The following BRSK2 variants were observed in gnomAD, a reference collection of about 807,000 sequenced individuals.
The protein encoded by BRSK2 is BR serine/threonine kinase 2.
Under a neutral mutation model 83.3 loss-of-function variants are expected in BRSK2, and 19 were observed. The ratio of observed to expected loss-of-function variants is 0.23; its 90% CI spans 0.16 to 0.33. BRSK2 has a LOEUF of 0.33. Among genes scored for constraint, BRSK2 ranks in the 10% least tolerant of loss-of-function variants. BRSK2 has a pLI of 1.00. For synonymous variants in BRSK2, 519 were observed against 435.4 expected (o/e 1.19, Z -2.39); for missense variants, 798 against 1,042.3 (o/e 0.77, Z 3.23).
Position 1,445,891 on chromosome 11 carries a change from G to A in BRSK2, c.1210G>A (p.Ala404Thr). 1 of 1,609,938 alleles carries A rather than the reference G, an allele frequency of 6.2e-7. No individual in the cohort carries two copies. ...GCCTGCGCGGCGGGCCATTGAGATG[G>A]CCCAGCACGGCCAGAGGTGTGTGTG... Reference protein sequence around the residue: ...PVPARRAIEMAQHGQRSRSIS... With the variant: ...PVPARRAIEMTQHGQRSRSIS... Residue 404 changes from alanine to threonine, a missense_variant, in exon 12 of 20, where the codon GCC becomes ACC. Physicochemically the swap from Ala to Thr is moderately conservative, Grantham distance 58. This residue lies in a region of BRSK2 where 51 missense variants were observed against 52.6 expected (regional missense o/e 0.97). Transcript: ENST00000528841.
At chr11:1,449,895 C>T in intron 13 of BRSK2, 59 bp downstream of exon 13, 3 of 1,361,352 alleles carry the variant, frequency 2.2e-6, no homozygotes, top group Middle Eastern at 3.7e-4. Flanking sequence ...CCCTCCCAGT[C>T]AGCGTGTGCC....
At chr11:1,425,135 T>C (rs1849062463) in intron 1 of BRSK2, among the ~76,000 whole-genome samples, 2 of 152,224 alleles carry the variant, frequency 1.3e-5, no homozygotes, top group Non-Finnish European at 1.5e-5. Flanking sequence ...CGTCCTGCGC[T>C]GCGTGGCCGG....
chr11:1,414,050 CTG>C (rs2134140355), intron 1 of BRSK2, among the ~76,000 whole-genome samples: 1 of 152,370 alleles, frequency 6.6e-6, no homozygotes, highest in East Asian at 1.9e-4. Flanking sequence ...TTTTCTCCAT[CTG>C]TGCTTAGTTT....
chr11:1,403,945 G>A (rs1846662203), intron 1 of BRSK2, among the ~76,000 whole-genome samples: 1 of 152,218 alleles, frequency 6.6e-6, no homozygotes, highest in Non-Finnish European at 1.5e-5. Flanking sequence ...GAGTTGGGAT[G>A]GGAGGCGGGC....
chr11:1,449,856 C>T lies in BRSK2; in HGVS notation c.1287+20C>T. Reference sequence around the variant, plus strand: ...CCCCGGGTGAGTGACCCCCCGCCCCCACCCAGCTCGGATGCACAGAGGCCC... The same window carrying T: ...CCCCGGGTGAGTGACCCCCCGCCCCTACCCAGCTCGGATGCACAGAGGCCC... On this transcript the variant is annotated intron_variant, in intron 13 of 19. Coordinates refer to ENST00000528841, the MANE Select transcript of BRSK2 (RefSeq NM_001256627.2). 1 of 1,593,716 alleles carries T rather than the reference C, an allele frequency of 6.3e-7. No individual in the cohort carries two copies. The highest frequency in any genetic ancestry group is 8.6e-7 in the Non-Finnish European group (1 of 1,163,926).
At chr11:1,433,913 C>T (rs917791432) in intron 1 of BRSK2, among the ~76,000 whole-genome samples, 3 of 152,250 alleles carry the variant, frequency 2.0e-5, no homozygotes, top group Non-Finnish European at 4.4e-5. Flanking sequence ...GCTTCTTCGG[C>T]AAGGTCCTGG....
At chr11:1,429,326 C>A (rs1225251850) in intron 1 of BRSK2, among the ~76,000 whole-genome samples, 2 of 105,720 alleles carry the variant, frequency 1.9e-5, no homozygotes, top group Non-Finnish European at 3.4e-5. Flanking sequence ...CGTGTGCGCA[C>A]AGGTGTGTGT....
At position 1,443,092 on chromosome 11, in the gene BRSK2, G is replaced by A. The variant is rs1156535636; in HGVS notation, c.531-14G>A. ...GCCCGGAGCCCCGCCGCTGACCTCT[G>A]CCCTTGCCCGCAGGTCCCCCCACTA... On this transcript the variant is annotated splice_polypyrimidine_tract_variant and intron_variant, in intron 5 of 19. Coordinates refer to ENST00000528841, the MANE Select transcript of BRSK2 (RefSeq NM_001256627.2). The A allele has an allele frequency of 6.5e-6, 10 of 1,533,884 alleles. No individual in the cohort carries two copies. In the South Asian group the frequency reaches 1.1e-4, roughly 16 times the overall value.
chr11:1,452,563 G>T (rs1845927255), intron 15 of BRSK2, among the ~76,000 whole-genome samples: 1 of 152,230 alleles, frequency 6.6e-6, no homozygotes, highest in Admixed American at 6.5e-5. Context: ...ATGGCCTGGA[G>T]GCCCTGACCC....
Position 1,459,162 on chromosome 11 carries a change from C to T in BRSK2, c.1940-30C>T, listed in dbSNP as rs373841584. On this transcript the variant is annotated intron_variant, in intron 18 of 19. Coordinates refer to ENST00000528841, the MANE Select transcript of BRSK2 (RefSeq NM_001256627.2). ...GCCCAGGACAGCCTTTCACTCACTC[C>T]CTCCCTCCTCTCTCCATTCTGTACT... The T allele has an allele frequency of 8.1e-6, 13 of 1,609,472 alleles. No individual in the cohort carries two copies. In the South Asian group the frequency reaches 1.3e-4, roughly 16 times the overall value.
Position 1,461,560 on chromosome 11 carries a change from T to C in BRSK2, c.*837T>C, listed in dbSNP as rs1847502376. 1 of 164,330 alleles carries C rather than the reference T, an allele frequency of 6.1e-6. No homozygotes were observed. Among genetic ancestry groups the C allele is most frequent in the Non-Finnish European group, 1.3e-5 (1 of 77,302 alleles). The allele number at this position is 164,330 out of a possible 1,614,324, so 10.2% of individuals were successfully genotyped here. On this transcript the variant is annotated 3_prime_UTR_variant, in exon 20 of 20. Transcript: ENST00000528841. ...AGTGTTATTTATTTGCCGTTTTAATTTATGGATTCTCCGCACCTCTGTTCA... is the reference window on the plus strand; with the variant it reads ...AGTGTTATTTATTTGCCGTTTTAATCTATGGATTCTCCGCACCTCTGTTCA...
rs1156380519 is a variant in BRSK2, at chr11:1,438,286, C to T, written c.187-20C>T. The stretch of plus-strand genomic sequence containing the variant: ...GCCCCAGCCCTGTGAGCGTGATGTT[C>T]TCTGGCCTCTCCCATGCAGGTGGAG... On this transcript the variant is annotated intron_variant, in intron 2 of 19. Transcript: ENST00000528841. This position sits in a 1 kb window ranked among gnomAD's most constrained non-coding sequence, Gnocchi z 6.4. 4.3e-6 allele frequency: 7 copies of T among 1,612,276 alleles called. No individual in the cohort carries two copies. The South Asian group carries it at 6.6e-5, about 15-fold the overall frequency.
Position 1,394,383 on chromosome 11 carries a change from A to C in BRSK2, c.91+4008A>C, listed in dbSNP as rs550981807. Among the ~76,000 whole-genome samples, 244 of 58,560 alleles carry C rather than the reference A, an allele frequency of 4.2e-3. 12 individuals are homozygous for C. The highest frequency in any genetic ancestry group is 0.025 in the African/African-American group (205 of 8,180). 38.4% of individuals were successfully genotyped at this position (58,560 alleles called of 152,430 possible). A position where few individuals can be genotyped will look rare whatever the true frequency, so the allele number is the denominator to read the frequency against. The stretch of plus-strand genomic sequence containing the variant: ...TGGAGATGGGCCATGGAGATGGGCC[A>C]TGGAGATGGGTCCTGGAGATGGGCC... On this transcript the variant is annotated intron_variant, in intron 1 of 19. Transcript: ENST00000528841.
At chr11:1,457,378 G>A (rs1055517117) in intron 18 of BRSK2, among the ~76,000 whole-genome samples, 21 of 152,204 alleles carry the variant, frequency 1.4e-4, no homozygotes, top group Admixed American at 2.0e-4. Flanking sequence ...CAGCCAGAGC[G>A]GGGGCTTCAC....
rs140362224 is a variant in BRSK2 at position 1,423,189 on chromosome 11, G to C, written c.92-12851G>C. ...TGCCTCGTGGGGGATGCGGTGCCTC[G>C]TGGGGGACATGGTGCCTTGTGGGGT... On this transcript the variant is annotated intron_variant, in intron 1 of 19. Transcript: ENST00000528841. This position sits in a 1 kb window ranked among gnomAD's most constrained non-coding sequence, Gnocchi z 6.5. Among the ~76,000 whole-genome samples, 1 of 152,160 alleles carries C rather than the reference G, an allele frequency of 6.6e-6. No homozygotes were observed. Among genetic ancestry groups the C allele is most frequent in the Admixed American group, 6.5e-5 (1 of 15,286 alleles).
chr11:1,436,547 C>T lies in BRSK2; in HGVS notation c.186+413C>T, dbSNP rs72843227. ...ACCTTCCTCTTCCACTGGGGCCTGG[C>T]CTCCGTCGGCTCCATCCGGTGGTGT... On this transcript the variant is annotated intron_variant, in intron 2 of 19. Transcript: ENST00000528841. Among the ~76,000 whole-genome samples the T allele has an allele frequency of 8.8e-3, 1,334 of 152,278 alleles. 11 individuals carry two copies. The highest frequency in any genetic ancestry group is 0.016 in the Non-Finnish European group (1,114 of 68,000).
chr11:1,456,156 G>A (rs1156773214), intron 16 of BRSK2, among the ~76,000 whole-genome samples, 192 bp from the exon 17 acceptor site: 1 of 152,212 alleles, frequency 6.6e-6, no homozygotes, highest in Non-Finnish European at 1.5e-5. Flanking sequence ...AAGCTTTGGA[G>A]GGTGGGGGCT....
intron 1 of BRSK2, among the ~76,000 whole-genome samples, chr11:1,425,331 C>T (rs1390067907): frequency 6.6e-6 from 1 of 152,188 alleles, no homozygotes; most frequent in Non-Finnish European, 1.5e-5. Context: ...TGTGTGGGGG[C>T]CTCGGGTCCT....
At chr11:1,449,640 G>A (rs2133179563) in intron 12 of BRSK2, 136 bp from the exon 13 acceptor site, 3 of 693,956 alleles carry the variant, frequency 4.3e-6, no homozygotes, top group Non-Finnish European at 7.2e-6. Flanking sequence ...AGGGTGTGCA[G>A]CAGGACCCAG....
Sources: gnomAD v4.1 joint callset for allele counts (sites outside exome capture counted in the v4.1 genomes callset) on GRCh38, gnomAD v4.1.1 for gene constraint, gnomAD v4.1.1 regional missense constraint, Gnocchi (gnomAD v3.1) non-coding constraint, MANE v1.5 for transcripts, NCBI Gene and HGNC (gene_info 2026-07-23, HGNC 2026-07-21) for gene names.